Variants in PLEKHA8 observed in about 807,000 individuals in gnomAD.
PLEKHA8 encodes pleckstrin homology domain containing A8.
A neutral mutation model predicts 68.2 loss-of-function variants in PLEKHA8; 36 were observed. The observed-to-expected ratio is 0.53, with a 90% CI of 0.40 to 0.70. PLEKHA8 has a LOEUF of 0.70. Among genes scored for constraint, PLEKHA8 ranks in the 30% least tolerant of loss-of-function variants. PLEKHA8 has a pLI of 0.00. For synonymous variants in PLEKHA8, 211 were observed against 216.1 expected (o/e 0.98, Z 0.20); for missense variants, 505 against 615.4 (o/e 0.82, Z 1.90).
chr7:30,064,749 T>A (rs1562525553), intron 12 of PLEKHA8, among the ~76,000 whole-genome samples: 1 of 152,202 alleles, frequency 6.6e-6, no homozygotes, highest in African/African-American at 2.4e-5. Context: ...CACTTCAAAC[T>A]AACTTATTAG....
chr7:30,054,231 C>T (rs1792645376), intron 7 of PLEKHA8, among the ~76,000 whole-genome samples: 1 of 152,080 alleles, frequency 6.6e-6, no homozygotes, highest in Non-Finnish European at 1.5e-5. Context: ...TATGTGTGTC[C>T]GGCAACAAAG....
chr7:30,090,144 A>G (rs995742786), intron 12 of PLEKHA8: 26 of 1,550,308 alleles, frequency 1.7e-5, no homozygotes, highest in Non-Finnish European at 2.1e-5. Context: ...AGAGTGCACT[A>G]TGTTGTAGGA....
At chr7:30,062,304 G>A (rs906690684) in intron 11 of PLEKHA8, among the ~76,000 whole-genome samples, 9 of 152,124 alleles carry the variant, frequency 5.9e-5, no homozygotes, top group African/African-American at 1.7e-4. Flanking sequence ...AACTTCAGTG[G>A]CATCAGAATC....
At chr7:30,069,006 C>CCG (rs1794055196) in intron 12 of PLEKHA8, among the ~76,000 whole-genome samples, 1 of 145,798 alleles carries the variant, frequency 6.9e-6, no homozygotes, top group Non-Finnish European at 1.5e-5. Context: ...GTAATACCAA[C>CCG]TTTGAGAGAG....
chr7:30,104,858 G>A (rs1270685589), intron 13 of PLEKHA8, among the ~76,000 whole-genome samples: 1 of 151,848 alleles, frequency 6.6e-6, no homozygotes, highest in African/African-American at 2.4e-5. Flanking sequence ...GAGTGGTTGG[G>A]ACTACAGGTA....
intron 12 of PLEKHA8, among the ~76,000 whole-genome samples, chr7:30,089,888 C>T (rs1318550821): frequency 2.3e-4 from 35 of 151,758 alleles, no homozygotes; most frequent in Admixed American, 2.2e-3. Context: ...TAAATATATT[C>T]GAAATAGCAA....
At chr7:30,061,432 G>C (rs1012406421) in intron 10 of PLEKHA8, among the ~76,000 whole-genome samples, 1 of 152,176 alleles carries the variant, frequency 6.6e-6, no homozygotes, top group Non-Finnish European at 1.5e-5. Context: ...CCTTTTAAAT[G>C]CAGATTAAAT....
At chr7:30,120,004 T>G (rs1016988555) in intron 13 of PLEKHA8, among the ~76,000 whole-genome samples, 2 of 152,124 alleles carry the variant, frequency 1.3e-5, no homozygotes, top group Admixed American at 1.3e-4. Flanking sequence ...TCTGAGAATA[T>G]TAAACCTCTA....
Position 30,080,978 on chromosome 7 carries a change from C to A in PLEKHA8, c.*2191C>A. ...AAACAGCTGCTGGTGCTCCCTGTCACCTCAGGTGAACTCTGTGGTCTCTTG... is the reference window on the plus strand; with the variant it reads ...AAACAGCTGCTGGTGCTCCCTGTCAACTCAGGTGAACTCTGTGGTCTCTTG... On this transcript the variant is annotated 3_prime_UTR_variant, in exon 14 of 14. Transcript: ENST00000449726. 1 of 985,378 alleles carries A rather than the reference C, an allele frequency of 1.0e-6. No individual in the cohort carries two copies. The highest frequency in any genetic ancestry group is 1.7e-5 in the African/African-American group (1 of 57,356). The allele number at this position is 985,378 out of a possible 1,614,324, so 61.0% of individuals were successfully genotyped here.
chr7:30,048,381 A>G (rs1461158678), intron 4 of PLEKHA8, among the ~76,000 whole-genome samples: 5 of 152,146 alleles, frequency 3.3e-5, no homozygotes, highest in African/African-American at 1.2e-4. Context: ...ATGCCAACTT[A>G]TTGTCTTTCA....
chr7:30,034,010 C>CTTTTTT lies in PLEKHA8; in HGVS notation c.40+5235_40+5240dup, dbSNP rs56796780. On this transcript the variant is annotated intron_variant, in intron 1 of 13. Transcript: ENST00000449726. ...TTCATTACAGAGTTGTAAGAGGTTT[C>CTTTTTT]TTTTTTTTTTTTTTTTTTTTTTTTT... 4.0e-4 allele frequency among the ~76,000 whole-genome samples: 14 copies of CTTTTTT among 34,660 alleles called. 4 individuals carry two copies. The highest frequency in any genetic ancestry group is 1.5e-3 in the African/African-American group (12 of 7,894). 22.7% of individuals were successfully genotyped at this position (34,660 alleles called of 152,430 possible).
downstream of PLEKHA8, among the ~76,000 whole-genome samples, chr7:30,087,062 C>T (rs1035553500): frequency 1.3e-5 from 2 of 152,228 alleles, no homozygotes; most frequent in African/African-American, 4.8e-5. Context: ...GTTGTCGCAT[C>T]TTTGCTGACA....
rs192991376 is a variant in PLEKHA8, at chr7:30,040,446, A to G, written c.41-4639A>G. On this transcript the variant is annotated intron_variant, in intron 1 of 13. Coordinates refer to ENST00000449726, the MANE Select transcript of PLEKHA8 (RefSeq NM_001197026.2). ...AAAAAGAAACAGTCCCCATTTCTTT[A>G]TGCCTTTCCCCAGTCCCAGCAAAAG... is the stretch of plus-strand genomic sequence containing the variant. Among the ~76,000 whole-genome samples the G allele has an allele frequency of 2.5e-3, 388 of 152,328 alleles. 1 individual carries two copies. The highest frequency in any genetic ancestry group is 4.2e-3 in the Non-Finnish European group (289 of 68,014).
chr7:30,072,277 G>C (rs1378256047), intron 12 of PLEKHA8, among the ~76,000 whole-genome samples: 1 of 152,156 alleles, frequency 6.6e-6, no homozygotes, highest in Non-Finnish European at 1.5e-5. Flanking sequence ...AGAGCCAAAG[G>C]AATCTGTTGT....
intron 12 of PLEKHA8, among the ~76,000 whole-genome samples, chr7:30,070,721 T>TTTTTAGTAGAGACAGGG (rs1794181657): frequency 6.6e-6 from 1 of 152,112 alleles, no homozygotes; most frequent in Non-Finnish European, 1.5e-5. Context: ...AATTTTTATA[T>TTTTTAGTAGAGACAGGG]TTTTAGTAGA....
downstream of PLEKHA8, among the ~76,000 whole-genome samples, chr7:30,085,934 T>G (rs548193075): frequency 9.2e-5 from 14 of 152,314 alleles, no homozygotes; most frequent in Admixed American, 4.6e-4. Context: ...AAAGTTTCCT[T>G]GAAGGCTGGC....
At position 30,080,069 on chromosome 7, in the gene PLEKHA8, A is replaced by C. The variant is rs115317063; in HGVS notation, c.*1282A>C. ...GACCATGACTCTGAATCTGCTTACC[A>C]ATCAATCTCGGTTTAATCACCAAAA... On this transcript the variant is annotated 3_prime_UTR_variant, in exon 14 of 14. Transcript: ENST00000449726. 1.9e-3 allele frequency: 1,846 copies of C among 985,360 alleles called. 26 individuals carry two copies. The African/African-American group carries it at 0.03, about 16-fold the overall frequency. 61.0% of individuals were successfully genotyped at this position (985,360 alleles called of 1,614,324 possible). A position where few individuals can be genotyped will look rare whatever the true frequency, so the allele number is the denominator to read the frequency against.
rs1340969812 is a variant in PLEKHA8 at position 30,112,893 on chromosome 7, C to CT, written c.1363-16372dup. Among the ~76,000 whole-genome samples, 5 of 149,100 alleles carry CT rather than the reference C, an allele frequency of 3.4e-5. No homozygotes were observed. The South Asian group carries it at 6.4e-4, about 19-fold the overall frequency. ...CCAGTTGGGGCAACAGAATGAAACT[C>CT]TGTCTCTTTAAAAAAAAAAAAAATT... On this transcript the variant is annotated intron_variant, in intron 13 of 13. Coordinates refer to the PLEKHA8 transcript ENST00000396257.
At chr7:30,037,345 T>A (rs1443744171) in intron 1 of PLEKHA8, among the ~76,000 whole-genome samples, 2 of 152,170 alleles carry the variant, frequency 1.3e-5, no homozygotes, top group African/African-American at 4.8e-5. Flanking sequence ...TTTAAAAAAA[T>A]TTGTTTGGAA....
Sources: gnomAD v4.1 joint callset for allele counts (sites outside exome capture counted in the v4.1 genomes callset) on GRCh38, gnomAD v4.1.1 for gene constraint, MANE v1.5 for transcripts, NCBI Gene and HGNC (gene_info 2026-07-23, HGNC 2026-07-21) for gene names.